STK3: variants seen among roughly 807,000 people sequenced by gnomAD.
STK3 encodes serine/threonine kinase 3.
In STK3, 41 loss-of-function variants were observed where a neutral mutation model predicts 58.0. The ratio of observed to expected loss-of-function variants is 0.71; its 90% CI spans 0.55 to 0.92. The LOEUF is 0.92. Ranked by LOEUF, STK3 falls within the 40% of genes least tolerant of loss-of-function variation. STK3 has a pLI of 0.00. For synonymous variants in STK3, 170 were observed against 191.0 expected, an observed-to-expected ratio of 0.89 and a Z score of 0.91; for missense variants, 479 against 602.7, an observed-to-expected ratio of 0.79 and a Z score of 2.15.
chr8:98,531,719 GGGTAGCCAC>G (rs1301658140), intron 9 of STK3, among the ~76,000 whole-genome samples: 1 of 152,140 alleles, frequency 6.6e-6, no homozygotes, highest in East Asian at 1.9e-4. Flanking sequence ...CTGTTGTTTA[GGGTAGCCAC>G]CTTCATCAAT....
At chr8:98,563,874 G>A (rs1420502503) in intron 8 of STK3, among the ~76,000 whole-genome samples, 2 of 152,058 alleles carry the variant, frequency 1.3e-5, no homozygotes, top group Non-Finnish European at 2.9e-5. Flanking sequence ...AATAAATGGG[G>A]AGAAGAGACA....
intron 6 of STK3, among the ~76,000 whole-genome samples, chr8:98,693,195 G>A (rs1212846964): frequency 2.0e-5 from 3 of 152,050 alleles, no homozygotes; most frequent in Non-Finnish European, 4.4e-5. Flanking sequence ...TCAGGAGTTC[G>A]AGACCAGACT....
intron 10 of STK3, among the ~76,000 whole-genome samples, chr8:98,523,257 T>C (rs1318866106): frequency 2.0e-5 from 3 of 152,198 alleles, no homozygotes; most frequent in Admixed American, 2.0e-4. Context: ...GTGTGTAGTA[T>C]CTTATTGTAG....
chr8:98,805,301 C>G (rs1028791263), intron 1 of STK3, among the ~76,000 whole-genome samples: 1 of 152,128 alleles, frequency 6.6e-6, no homozygotes, highest in Non-Finnish European at 1.5e-5. Flanking sequence ...TAATATAGGC[C>G]GGGCGCGGTG....
chr8:98,651,184 G>A (rs995538443), intron 6 of STK3, among the ~76,000 whole-genome samples: 4 of 152,128 alleles, frequency 2.6e-5, no homozygotes, highest in Admixed American at 6.5e-5. Flanking sequence ...TCGCGGTCAC[G>A]AAAATCTGCT....
the STK3 span, among the ~76,000 whole-genome samples, chr8:98,358,824 T>C: frequency 2.0e-5 from 3 of 152,036 alleles, no homozygotes; most frequent in South Asian, 4.2e-4. Flanking sequence ...GGGCAAGACA[T>C]TTTGAGAAAG....
At chr8:98,824,340 T>C (rs542951242) in intron 1 of STK3, among the ~76,000 whole-genome samples, 23 of 152,214 alleles carry the variant, frequency 1.5e-4, no homozygotes, top group Non-Finnish European at 2.5e-4. Flanking sequence ...ACACCTATAA[T>C]GAAACTCTGA....
chr8:98,497,740 C>T (rs972398666), intron 10 of STK3, among the ~76,000 whole-genome samples: 1 of 152,048 alleles, frequency 6.6e-6, no homozygotes, highest in Non-Finnish European at 1.5e-5. Context: ...AAAACCAGAA[C>T]GAGATACCAC....
chr8:98,546,893 A>G (rs1353821933), intron 9 of STK3, among the ~76,000 whole-genome samples: 1 of 152,182 alleles, frequency 6.6e-6, no homozygotes, highest in African/African-American at 2.4e-5. Flanking sequence ...ATATGCAACC[A>G]TAGTGGGCTA....
chr8:98,428,072 C>T lies in STK3; in HGVS notation n.483+6055G>A. ...TGGGCGGCTTCAAGAGGAGGCTGCGCTCGCACACGCTGCTGCGCTTCCCCG... is the reference window on the plus strand; with the variant it reads ...TGGGCGGCTTCAAGAGGAGGCTGCGTTCGCACACGCTGCTGCGCTTCCCCG... On this transcript the variant is annotated intron_variant and non_coding_transcript_variant, in intron 3 of 3. Transcript: ENST00000517832. This position sits in a 1 kb window ranked among gnomAD's most constrained non-coding sequence, Gnocchi z 6.7. 1 of 1,613,558 alleles carries T rather than the reference C, an allele frequency of 6.2e-7. No individual in the cohort carries two copies. Among genetic ancestry groups the T allele is most frequent in the Non-Finnish European group, 8.5e-7 (1 of 1,179,788 alleles).
Position 98,567,746 on chromosome 8 carries a change from A to G in STK3, c.948+11918T>C, listed in dbSNP as rs188983254. On this transcript the variant is annotated intron_variant, in intron 8 of 10. Transcript: ENST00000419617. ...TATAGATTTATAAAGAGATCATATT[A>G]CAAACTCAATATCAAAAATTATAAT... Among the ~76,000 whole-genome samples, 67 of 152,238 alleles carry G rather than the reference A, an allele frequency of 4.4e-4. No individual in the cohort carries two copies. In the East Asian group the frequency reaches 0.011, roughly 26 times the overall value.
At chr8:98,594,749 TA>T (rs1815657025) in intron 7 of STK3, 1 of 152,180 alleles carries the variant, frequency 6.6e-6, no homozygotes, top group African/African-American at 2.4e-5. Flanking sequence ...TCTTAACCAT[TA>T]CTTTTTGAAA....
intron 4 of STK3, chr8:98,723,019 A>C (rs769421637): frequency 2.0e-5 from 7 of 351,636 alleles, no homozygotes; most frequent in Non-Finnish European, 3.9e-5. Context: ...TGGAATACAA[A>C]ATATTTTATC....
At chr8:98,433,286 C>A (rs1318484145) in intron 3 of STK3, among the ~76,000 whole-genome samples, 3 of 152,144 alleles carry the variant, frequency 2.0e-5, no homozygotes, top group African/African-American at 7.2e-5. Flanking sequence ...GCCTGCCCTG[C>A]CAGCCCCAAC....
intron 4 of STK3, among the ~76,000 whole-genome samples, chr8:98,748,844 T>C (rs186971506): frequency 1.1e-3 from 160 of 152,128 alleles, no homozygotes; most frequent in African/African-American, 3.6e-3. Context: ...AAAATGTTTT[T>C]TTTTAATTCA....
chr8:98,640,381 A>G (rs1321699585), intron 6 of STK3, among the ~76,000 whole-genome samples: 1 of 152,162 alleles, frequency 6.6e-6, no homozygotes, highest in African/African-American at 2.4e-5. Context: ...AGAATTTTAT[A>G]CACAAAATTG....
rs1381614949 is a variant in STK3 at position 98,455,290 on chromosome 8, C to A, written c.*552G>T. 6.6e-6 allele frequency: 1 copy of A among 152,160 alleles called. No homozygotes were observed. The highest frequency in any genetic ancestry group is 6.6e-5 in the Admixed American group (1 of 15,260). 9.4% of individuals were successfully genotyped at this position (152,160 alleles called of 1,614,324 possible). On this transcript the variant is annotated 3_prime_UTR_variant, in exon 11 of 11. Transcript: ENST00000419617. ...ATTGCTTTCCTATTTGAAAAACTAT[C>A]CTGGAAATCAAGGAATGTACCCCAT...
intron 3 of STK3, among the ~76,000 whole-genome samples, chr8:98,840,583 GTATATATATATATATATATATATATATA>G (rs59274441): frequency 0.016 from 1,274 of 80,142 alleles, 46 homozygotes; most frequent in African/African-American, 0.061. Context: ...AGAAAAAAAT[GTATATATATATATATATATATATATATA>G]TATATATATA....
At chr8:98,688,151 C>T (rs771661923) in intron 6 of STK3, among the ~76,000 whole-genome samples, 27 of 151,950 alleles carry the variant, frequency 1.8e-4, no homozygotes, top group Non-Finnish European at 3.7e-4. Context: ...TTTAAACAAA[C>T]GACTGTAAAA....
Sources: gnomAD v4.1 joint callset for allele counts (sites outside exome capture counted in the v4.1 genomes callset) on GRCh38, gnomAD v4.1.1 for gene constraint, Gnocchi (gnomAD v3.1) non-coding constraint, MANE v1.5 for transcripts, NCBI Gene and HGNC (gene_info 2026-07-23, HGNC 2026-07-21) for gene names.